Variants in OR51B5 observed in about 807,000 individuals in gnomAD.
OR51B5 encodes the protein olfactory receptor family 51 subfamily B member 5, also known as olfactory receptor 51B5.
For missense variants in OR51B5, 456 were observed against 374.6 expected, an observed-to-expected ratio of 1.22 and a Z score of -1.79; for synonymous variants, 186 against 144.8, an observed-to-expected ratio of 1.28 and a Z score of -2.04.
intron 1 of OR51B5, chr11:5,489,488 C>T (rs1359253900): frequency 2.5e-6 from 4 of 1,614,076 alleles, no homozygotes; most frequent in Middle Eastern, 1.7e-4. Flanking sequence ...GCCTTCTTCT[C>T]CTTCCTCACC....
chr11:5,373,596 G>A lies in OR51B5; in HGVS notation n.85-26686C>T, dbSNP rs866083542. 1.8e-4 allele frequency among the ~76,000 whole-genome samples: 27 copies of A among 152,254 alleles called. 1 individual carries two copies. In the Middle Eastern group the frequency reaches 0.034, roughly 192 times the overall value. On this transcript the variant is annotated intron_variant and non_coding_transcript_variant, in intron 1 of 4. Transcript: ENST00000415970. ...CTGGTCAAGGAAAGGGGTGACATAC[G>A]GCACCTGGAAAATTGGGCCACTCCC... is the stretch of plus-strand genomic sequence containing the variant.
chr11:5,375,200 T>G (rs1849505790), intron 1 of OR51B5, among the ~76,000 whole-genome samples: 1 of 146,744 alleles, frequency 6.8e-6, no homozygotes, highest in South Asian at 2.3e-4. Flanking sequence ...AAGGAAAGAA[T>G]TTTCAACACA....
At chr11:5,355,969 C>T (rs1350393579) in intron 1 of OR51B5, among the ~76,000 whole-genome samples, 2 of 151,956 alleles carry the variant, frequency 1.3e-5, no homozygotes, top group Non-Finnish European at 2.9e-5. Context: ...CACCAAAAAC[C>T]CATCTGTACG....
intron 1 of OR51B5, among the ~76,000 whole-genome samples, chr11:5,415,086 C>A (rs1306418890): frequency 1.3e-5 from 2 of 152,172 alleles, no homozygotes; most frequent in Non-Finnish European, 2.9e-5. Flanking sequence ...TCTCAGACCA[C>A]AGTGCAATCA....
At chr11:5,434,131 A>G (rs1850565095) in intron 1 of OR51B5, among the ~76,000 whole-genome samples, 1 of 152,210 alleles carries the variant, frequency 6.6e-6, no homozygotes, top group Non-Finnish European at 1.5e-5. Flanking sequence ...CATACCGATT[A>G]AAGTAGAATC....
chr11:5,489,548 C>G, intron 1 of OR51B5: 2 of 1,614,022 alleles, frequency 1.2e-6, no homozygotes, highest in African/African-American at 2.7e-5. Context: ...ATCTTTCTGG[C>G]TAATCTCTAT....
intron 1 of OR51B5, among the ~76,000 whole-genome samples, chr11:5,358,357 A>G (rs11826532): frequency 0.38 from 57,038 of 151,956 alleles, 10,960 homozygotes; most frequent in Non-Finnish European, 0.41. Flanking sequence ...AGAGAATACT[A>G]TAAACACCTC....
chr11:5,366,077 A>G (rs1849360740), intron 1 of OR51B5, among the ~76,000 whole-genome samples: 1 of 152,014 alleles, frequency 6.6e-6, no homozygotes, highest in African/African-American at 2.4e-5. Flanking sequence ...TTAATGGAAG[A>G]GTTGCTGAGG....
intron 1 of OR51B5, among the ~76,000 whole-genome samples, chr11:5,488,153 T>C (rs900210633): frequency 6.6e-6 from 1 of 152,148 alleles, no homozygotes; most frequent in Non-Finnish European, 1.5e-5. Flanking sequence ...GAGGTTACGG[T>C]TGCATAAAGA....
At chr11:5,386,894 A>C (rs1849703231) in intron 1 of OR51B5, among the ~76,000 whole-genome samples, 2 of 152,170 alleles carry the variant, frequency 1.3e-5, no homozygotes, top group Admixed American at 1.3e-4. Flanking sequence ...ATTATAAAAA[A>C]TGCATAAATA....
chr11:5,452,279 C>T (rs111570535), intron 1 of OR51B5, among the ~76,000 whole-genome samples: 10,937 of 151,804 alleles, frequency 0.072, 1,235 homozygotes, highest in African/African-American at 0.24. Context: ...CCAAGGCAGG[C>T]GGATCACGAG....
chr11:5,454,012 C>A (rs776179486), intron 1 of OR51B5: 6 of 1,614,028 alleles, frequency 3.7e-6, no homozygotes, highest in Non-Finnish European at 5.1e-6. Flanking sequence ...AATGTTCTTT[C>A]TCACTCCTAC....
chr11:5,395,053 G>T (rs1429733841), intron 1 of OR51B5, among the ~76,000 whole-genome samples: 2 of 152,178 alleles, frequency 1.3e-5, no homozygotes, highest in East Asian at 3.8e-4. Flanking sequence ...GGATCCTCTG[G>T]CTCACTGAAA....
At chr11:5,351,849 T>C in intron 1 of OR51B5, 1 of 1,614,032 alleles carries the variant, frequency 6.2e-7, no homozygotes, top group Non-Finnish European at 8.5e-7. Flanking sequence ...GTGTCTTGCT[T>C]GCCATGGCTT....
intron 1 of OR51B5, among the ~76,000 whole-genome samples, chr11:5,412,567 A>G (rs1414104593): frequency 6.6e-6 from 1 of 152,226 alleles, no homozygotes; most frequent in Non-Finnish European, 1.5e-5. Context: ...TGGCACCTGG[A>G]AAATCGGGTC....
At chr11:5,411,215 T>G (rs187466900) in intron 1 of OR51B5, among the ~76,000 whole-genome samples, 1 of 152,328 alleles carries the variant, frequency 6.6e-6, no homozygotes, top group African/African-American at 2.4e-5. Context: ...ATTGTTTATC[T>G]GTTGTAGCAT....
chr11:5,427,360 G>A (rs1207818304), intron 1 of OR51B5, among the ~76,000 whole-genome samples: 10 of 147,222 alleles, frequency 6.8e-5, no homozygotes, highest in African/African-American at 2.3e-4. Flanking sequence ...GAACAGTTAG[G>A]TAAGTGAAGT....
chr11:5,505,553 G>C (rs1352293686), intron 1 of OR51B5: 2 of 1,108,070 alleles, frequency 1.8e-6, no homozygotes, highest in East Asian at 1.2e-4. Flanking sequence ...AAAAGAAAGA[G>C]GTTTACCGGA....
intron 1 of OR51B5, among the ~76,000 whole-genome samples, chr11:5,452,517 A>G (rs1284481580): frequency 2.7e-4 from 10 of 36,636 alleles, no homozygotes; most frequent in African/African-American, 1.1e-3. Context: ...AAAAAAAAAA[A>G]AAAAAAAAAA....
Sources: allele counts gnomAD v4.1 joint callset (sites outside exome capture counted in the v4.1 genomes callset), GRCh38; gene constraint gnomAD v4.1.1; transcripts MANE v1.5; gene names NCBI Gene and HGNC (gene_info 2026-07-23, HGNC 2026-07-21).